Variants in RAG1 observed in about 807,000 individuals in gnomAD.
The protein encoded by RAG1 is recombination activating 1.
Under a neutral mutation model 62.7 loss-of-function variants are expected in RAG1, and 35 were observed. The ratio of observed to expected loss-of-function variants is 0.56; its 90% CI spans 0.43 to 0.74. RAG1 has a LOEUF of 0.74. Among genes scored for constraint, RAG1 ranks in the 30% least tolerant of loss-of-function variants. The pLI, the probability that RAG1 is intolerant of heterozygous loss-of-function variation, is 0.00. For missense variants in RAG1, 1,169 were observed against 1,278.6 expected (o/e 0.91, Z 1.31); for synonymous variants, 461 against 470.3 (o/e 0.98, Z 0.26).
At chr11:36,512,041 C>T (rs1360150714) in intron 1 of RAG1, among the ~76,000 whole-genome samples, 1 of 152,162 alleles carries the variant, frequency 6.6e-6, no homozygotes, top group East Asian at 1.9e-4. Context: ...TTCATAAGTG[C>T]CCTCAAGGGG....
In RAG1 at chr11:36,574,129, T is replaced by C; in HGVS notation, c.825T>C (p.Ser275=). 6.2e-7 allele frequency: 1 copy of C among 1,614,222 alleles called. No individual in the cohort carries two copies. The highest frequency in any genetic ancestry group is 8.5e-7 in the Non-Finnish European group (1 of 1,180,054). ...KIANCSKIHL[S]TKLLAVDFPE... The stretch of plus-strand genomic sequence containing the variant: ...CCAACTGCAGTAAGATACATCTTAG[T>C]ACCAAGCTCCTTGCAGTGGACTTCC... The change falls in exon 2 of 2, where the codon AGT becomes AGC. Residue 275 remains serine (S), a synonymous_variant. Transcript: ENST00000299440.
chr11:36,539,000 T>C (rs1016284839), downstream of RAG1, among the ~76,000 whole-genome samples: 4 of 152,152 alleles, frequency 2.6e-5, no homozygotes, highest in Non-Finnish European at 5.9e-5. Context: ...TCCAGGCAAT[T>C]TTCTCTGCAA....
At chr11:36,558,723 A>G (rs1465314916) in intron 3 of RAG1, among the ~76,000 whole-genome samples, 1 of 152,108 alleles carries the variant, frequency 6.6e-6, no homozygotes. Flanking sequence ...TGTCCATTCA[A>G]CAGTCTATCT....
chr11:36,512,088 T>C (rs1859933012), intron 1 of RAG1, among the ~76,000 whole-genome samples: 1 of 152,224 alleles, frequency 6.6e-6, no homozygotes, highest in South Asian at 2.1e-4. Flanking sequence ...TTATTCAATA[T>C]AGGAGAGAGT....
chr11:36,513,943 A>G (rs1859960969), intron 1 of RAG1, among the ~76,000 whole-genome samples: 1 of 152,220 alleles, frequency 6.6e-6, no homozygotes, highest in South Asian at 2.1e-4. Flanking sequence ...GGACAGAGCC[A>G]AACCATATCA....
chr11:36,573,616 A>G lies in RAG1; in HGVS notation c.312A>G (p.Gln104=), dbSNP rs762089821. The change falls in exon 2 of 2, where the codon CAA becomes CAG. Residue 104 remains glutamine (Q), a synonymous_variant. Coordinates refer to ENST00000299440, the MANE Select transcript of RAG1 (RefSeq NM_000448.3). ...AAGCAAGAGGCAAAGCGATCCATCA[A>G]GCCAACCTTCGACATCTCTGCCGCA... ...NEKARGKAIH[Q]ANLRHLCRIC... The G allele has an allele frequency of 6.2e-7, 1 of 1,614,206 alleles. No homozygotes were observed. The highest frequency in any genetic ancestry group is 1.7e-5 in the Admixed American group (1 of 60,032).
upstream of RAG1, among the ~76,000 whole-genome samples, chr11:36,564,444 A>G (rs1850633089): frequency 6.6e-6 from 1 of 152,140 alleles, no homozygotes; most frequent in Non-Finnish European, 1.5e-5. Flanking sequence ...AAGAGAAGAG[A>G]AGCAAATACA....
At chr11:36,566,288 T>G (rs1240499111), upstream of RAG1, among the ~76,000 whole-genome samples, 1 of 152,350 alleles carries the variant, frequency 6.6e-6, no homozygotes, top group Non-Finnish European at 1.5e-5. Flanking sequence ...CCGTAGACTC[T>G]CGGTGCTAAA....
At chr11:36,525,468 G>A (rs750905451) in intron 2 of RAG1, among the ~76,000 whole-genome samples, 14 of 152,052 alleles carry the variant, frequency 9.2e-5, no homozygotes, top group Admixed American at 4.6e-4. Context: ...TTAGATTTGT[G>A]TATTAATTTG....
chr11:36,519,157 AT>A (rs113578374), intron 1 of RAG1, among the ~76,000 whole-genome samples: 25 of 151,494 alleles, frequency 1.7e-4, no homozygotes, highest in African/African-American at 2.9e-4. Flanking sequence ...GACCATTTAC[AT>A]TTTTTTTTGT....
At chr11:36,530,773 G>A (rs1013699352) in intron 2 of RAG1, among the ~76,000 whole-genome samples, 3 of 151,912 alleles carry the variant, frequency 2.0e-5, no homozygotes, top group South Asian at 4.1e-4. Context: ...TCAAAAGAAT[G>A]TGTATTCTGC....
At chr11:36,539,479 G>GT (rs200920033), downstream of RAG1, among the ~76,000 whole-genome samples, 180 of 151,984 alleles carry the variant, frequency 1.2e-3, 1 homozygote, top group South Asian at 0.018. Flanking sequence ...CATATGTCCA[G>GT]TTTTTTTTGT....
chr11:36,534,715 A>G (rs986027874), intron 2 of RAG1, among the ~76,000 whole-genome samples: 1 of 152,124 alleles, frequency 6.6e-6, no homozygotes, highest in African/African-American at 2.4e-5. Context: ...TTTGCAATCA[A>G]TGTGTCTACC....
At chr11:36,547,195 A>G (rs1451141150) in intron 3 of RAG1, among the ~76,000 whole-genome samples, 1 of 152,124 alleles carries the variant, frequency 6.6e-6, no homozygotes, top group Non-Finnish European at 1.5e-5. Context: ...TAAAATCGAC[A>G]CCCTAGCATC....
intron 3 of RAG1, among the ~76,000 whole-genome samples, chr11:36,545,448 A>G (rs1050318150): frequency 6.6e-6 from 1 of 152,202 alleles, no homozygotes; most frequent in South Asian, 2.1e-4. Context: ...AGGGCACAGC[A>G]AGATGGTCAT....
intron 3 of RAG1, among the ~76,000 whole-genome samples, chr11:36,547,272 T>A (rs1007784633): frequency 1.3e-5 from 2 of 151,924 alleles, no homozygotes; most frequent in Non-Finnish European, 2.9e-5. Context: ...AAGAAATAAC[T>A]AAGATCAGAG....
rs1438890338 is a variant in RAG1, at chr11:36,578,010, C to A, written c.*1574C>A. 5 of 167,078 alleles carry A rather than the reference C, an allele frequency of 3.0e-5. No homozygotes were observed. The allele number at this position is 167,078 out of a possible 1,614,324, so 10.3% of individuals were successfully genotyped here. A position where few individuals can be genotyped will look rare whatever the true frequency, so the allele number is the denominator to read the frequency against. On this transcript the variant is annotated 3_prime_UTR_variant, in exon 2 of 2. Coordinates refer to ENST00000299440, the MANE Select transcript of RAG1 (RefSeq NM_000448.3). ...TTATTTGGAAACTATGATCTGCATC[C>A]TTAGGAATCTGGGATTTGCCAGTTG...
At chr11:36,529,031 G>A (rs1021704332) in intron 2 of RAG1, among the ~76,000 whole-genome samples, 6 of 152,086 alleles carry the variant, frequency 3.9e-5, no homozygotes, top group Non-Finnish European at 5.9e-5. Context: ...GTCCAGGACC[G>A]GACGGATTCA....
intron 3 of RAG1, among the ~76,000 whole-genome samples, chr11:36,547,494 C>T (rs1267588828): frequency 6.6e-6 from 1 of 152,164 alleles, no homozygotes; most frequent in Non-Finnish European, 1.5e-5. Flanking sequence ...ATACTATAAA[C>T]ACCTCTATGC....
Sources: allele counts gnomAD v4.1 joint callset (sites outside exome capture counted in the v4.1 genomes callset), GRCh38; gene constraint gnomAD v4.1.1; transcripts MANE v1.5; gene names NCBI Gene and HGNC (gene_info 2026-07-23, HGNC 2026-07-21).